CAST: variants seen among roughly 807,000 people sequenced by gnomAD.
The protein encoded by CAST is calpastatin, also known as MIR583 host.
A neutral mutation model predicts 119.6 loss-of-function variants in CAST; 76 were observed. The observed-to-expected ratio is 0.64, with a 90% CI of 0.53 to 0.77. CAST has a LOEUF of 0.77. Among genes scored for constraint, CAST ranks in the 30% least tolerant of loss-of-function variants. The pLI is 0.00. For missense variants in CAST, 953 were observed against 946.5 expected (o/e 1.01, Z -0.09); for synonymous variants, 319 against 331.6 (o/e 0.96, Z 0.41).
At chr5:96,402,490 T>C in the CAST span, among the ~76,000 whole-genome samples, 1 of 152,106 alleles carries the variant, frequency 6.6e-6, no homozygotes, top group African/African-American at 2.4e-5. Context: ...TCAGACTCAG[T>C]GCCTGGTGCT....
chr5:96,336,563 A>G, the CAST span, among the ~76,000 whole-genome samples: 8 of 152,202 alleles, frequency 5.3e-5, no homozygotes, highest in Non-Finnish European at 1.0e-4. Context: ...CTTGTCTGTT[A>G]TGAAGAGTGG....
At chr5:96,448,163 T>C in the CAST span, among the ~76,000 whole-genome samples, 87 of 152,334 alleles carry the variant, frequency 5.7e-4, 1 homozygote, top group African/African-American at 2.0e-3. Flanking sequence ...CTCATTGCTA[T>C]CCTAGGTGAA....
the CAST span, among the ~76,000 whole-genome samples, chr5:96,012,743 C>G: frequency 6.6e-6 from 1 of 152,188 alleles, no homozygotes; most frequent in Non-Finnish European, 1.5e-5. Flanking sequence ...CAAATTTATA[C>G]TTTTGCCATG....
chr5:96,269,269 T>C, the CAST span, among the ~76,000 whole-genome samples: 1 of 152,140 alleles, frequency 6.6e-6, no homozygotes, highest in Non-Finnish European at 1.5e-5. Flanking sequence ...CAATATACAA[T>C]TATAAATATC....
the CAST span, among the ~76,000 whole-genome samples, chr5:96,169,400 G>T: frequency 6.6e-6 from 1 of 152,262 alleles, no homozygotes; most frequent in East Asian, 1.9e-4. Flanking sequence ...ATGGGTTGTG[G>T]AGGGAGGTAT....
chr5:96,617,494 T>C (rs1252854740), intron 1 of CAST, among the ~76,000 whole-genome samples: 1 of 152,078 alleles, frequency 6.6e-6, no homozygotes, highest in African/African-American at 2.4e-5. Flanking sequence ...ATATTGCTTT[T>C]AAAACTCTTA....
chr5:96,298,725 G>C, the CAST span, among the ~76,000 whole-genome samples: 2 of 152,096 alleles, frequency 1.3e-5, no homozygotes, highest in Admixed American at 1.3e-4. Context: ...TCTGTATGTA[G>C]GCTTTTATAT....
intron 24 of CAST, among the ~76,000 whole-genome samples, chr5:96,760,658 C>A (rs1239999324): frequency 6.6e-6 from 1 of 151,548 alleles, no homozygotes; most frequent in Non-Finnish European, 1.5e-5. Flanking sequence ...TTATTAGTAA[C>A]AACAGATGAG....
the CAST span, among the ~76,000 whole-genome samples, chr5:96,109,531 A>C: frequency 1.3e-5 from 2 of 152,214 alleles, no homozygotes; most frequent in Admixed American, 1.3e-4. Context: ...GGCAGTGATC[A>C]GTTGTCCTCT....
At chr5:96,346,475 A>G in the CAST span, among the ~76,000 whole-genome samples, 7 of 152,178 alleles carry the variant, frequency 4.6e-5, no homozygotes, top group African/African-American at 1.7e-4. Context: ...TTCTAGGAGC[A>G]CAAATTTCCC....
the CAST span, among the ~76,000 whole-genome samples, chr5:96,183,160 A>AAT: frequency 2.8e-4 from 40 of 143,270 alleles, no homozygotes; most frequent in African/African-American, 1.0e-3. Flanking sequence ...AAAATAAATA[A>AAT]AATAATAATA....
intron 2 of CAST, among the ~76,000 whole-genome samples, chr5:96,677,107 T>A (rs574570209): frequency 1.8e-4 from 27 of 152,234 alleles, no homozygotes; most frequent in African/African-American, 6.3e-4. Context: ...AACCCTACCC[T>A]TTAAATATAT....
At chr5:96,081,355 G>T in the CAST span, among the ~76,000 whole-genome samples, 34 of 152,306 alleles carry the variant, frequency 2.2e-4, no homozygotes, top group Admixed American at 3.3e-4. Context: ...CATCCAGGTG[G>T]AGAGACCTGA....
chr5:96,377,346 A>G, the CAST span, among the ~76,000 whole-genome samples: 1 of 152,190 alleles, frequency 6.6e-6, no homozygotes, highest in Non-Finnish European at 1.5e-5. Context: ...CCTCACATTC[A>G]ATCACCACTT....
intron 1 of CAST, among the ~76,000 whole-genome samples, chr5:96,592,435 G>T (rs1039152962): frequency 6.6e-6 from 1 of 152,070 alleles, no homozygotes; most frequent in Non-Finnish European, 1.5e-5. Context: ...TATAGCAATT[G>T]TCATTGCTGT....
At chr5:96,570,720 A>G (rs1200654974) in intron 1 of CAST, among the ~76,000 whole-genome samples, 1 of 152,202 alleles carries the variant, frequency 6.6e-6, no homozygotes, top group East Asian at 1.9e-4. Flanking sequence ...AGTTTTTACT[A>G]CTTTAGGAAA....
chr5:96,354,046 C>A, the CAST span, among the ~76,000 whole-genome samples: 1 of 152,164 alleles, frequency 6.6e-6, no homozygotes, highest in African/African-American at 2.4e-5. Context: ...TGATTCTCTT[C>A]TTTCTCTCAT....
chr5:96,382,771 T>C, the CAST span, among the ~76,000 whole-genome samples: 1 of 152,158 alleles, frequency 6.6e-6, no homozygotes, highest in African/African-American at 2.4e-5. Flanking sequence ...ATGAAGAAAC[T>C]GAGACTTAGA....
the CAST span, among the ~76,000 whole-genome samples, chr5:96,470,156 A>G: frequency 2.0e-5 from 3 of 151,334 alleles, no homozygotes; most frequent in Non-Finnish European, 4.4e-5. Context: ...CTAGGTGAAA[A>G]CGAAAAAAAC....
Sources: gnomAD v4.1 joint callset for allele counts (sites outside exome capture counted in the v4.1 genomes callset) on GRCh38, gnomAD v4.1.1 for gene constraint, MANE v1.5 for transcripts, NCBI Gene and HGNC (gene_info 2026-07-23, HGNC 2026-07-21) for gene names.